GHR: variants seen among roughly 807,000 people sequenced by gnomAD.
The protein encoded by GHR is growth hormone receptor, also known as GH receptor.
Under a neutral mutation model 67.1 loss-of-function variants are expected in GHR, and 35 were observed. The observed-to-expected ratio is 0.52, with a 90% CI of 0.40 to 0.69. The LOEUF is 0.69. Among genes scored for constraint, GHR ranks in the 30% least tolerant of loss-of-function variants. The probability of loss-of-function intolerance (pLI) is 0.00; values close to 1 mark genes in which losing one functional copy is unlikely to be tolerated. For synonymous variants in GHR, 272 were observed against 269.1 expected (o/e 1.01, Z -0.10); for missense variants, 792 against 764.6 (o/e 1.04, Z -0.42).
At chr5:42,686,138 C>A (rs996832379) in intron 3 of GHR, among the ~76,000 whole-genome samples, 1 of 152,088 alleles carries the variant, frequency 6.6e-6, no homozygotes, top group African/African-American at 2.4e-5. Flanking sequence ...AGGAAGGGAT[C>A]CAGCTTCAGC....
chr5:42,596,649 C>A (rs1580015095), intron 2 of GHR, among the ~76,000 whole-genome samples: 1 of 152,124 alleles, frequency 6.6e-6, no homozygotes, highest in African/African-American at 2.4e-5. Flanking sequence ...CTAAACTTGC[C>A]AGTTCAGTGT....
intron 2 of GHR, among the ~76,000 whole-genome samples, chr5:42,622,241 A>G (rs1376173875): frequency 6.6e-6 from 1 of 152,170 alleles, no homozygotes; most frequent in African/African-American, 2.4e-5. Flanking sequence ...AGCCTCAGCA[A>G]CCTGGCTTCA....
At chr5:42,717,524 T>C (rs952393564) in intron 8 of GHR, among the ~76,000 whole-genome samples, 1 of 152,168 alleles carries the variant, frequency 6.6e-6, no homozygotes, top group African/African-American at 2.4e-5. Flanking sequence ...AGTAAAACCC[T>C]GGTTAATAAG....
At chr5:42,635,958 C>T (rs1210719547) in intron 3 of GHR, among the ~76,000 whole-genome samples, 2 of 151,732 alleles carry the variant, frequency 1.3e-5, no homozygotes, top group Non-Finnish European at 2.9e-5. Context: ...TGCCTGTAAT[C>T]CCAGCACTTT....
intron 3 of GHR, among the ~76,000 whole-genome samples, chr5:42,636,648 G>A (rs1754208972): frequency 6.6e-6 from 1 of 152,130 alleles, no homozygotes; most frequent in Non-Finnish European, 1.5e-5. Context: ...CTCCTAGTGG[G>A]GAACAGTTTT....
intron 6 of GHR, among the ~76,000 whole-genome samples, chr5:42,702,964 T>A (rs2111760477): frequency 6.6e-6 from 1 of 152,154 alleles, no homozygotes; most frequent in Middle Eastern, 3.4e-3. Context: ...GATAGTAACT[T>A]CTTATCAGAT....
chr5:42,523,275 A>G (rs919840216), intron 1 of GHR, among the ~76,000 whole-genome samples: 6 of 152,190 alleles, frequency 3.9e-5, no homozygotes, highest in African/African-American at 9.7e-5. Flanking sequence ...TAAGTCGTAT[A>G]CAGGTATACA....
chr5:42,428,849 T>C (rs1657364507), intron 1 of GHR, among the ~76,000 whole-genome samples: 1 of 152,178 alleles, frequency 6.6e-6, no homozygotes, highest in Admixed American at 6.5e-5. Context: ...AACAAGTCTC[T>C]AGGAAGTTCC....
rs1033025687 is a variant in GHR, at chr5:42,494,582, C to A, written c.-12+70627C>A. 2.0e-5 allele frequency among the ~76,000 whole-genome samples: 3 copies of A among 152,102 alleles called. No individual in the cohort carries two copies. The East Asian group carries it at 5.8e-4, about 29-fold the overall frequency. On this transcript the variant is annotated intron_variant, in intron 1 of 9. Coordinates refer to ENST00000230882, the MANE Select transcript of GHR (RefSeq NM_000163.5). ...TAATCCTAAGCATTCGCTCAGCACT[C>A]TTGCTTCTGGGAATTTGCTATGAGT... is the stretch of plus-strand genomic sequence containing the variant.
chr5:42,569,358 A>G lies in GHR; in HGVS notation c.70+3414A>G, dbSNP rs372189782. 9.2e-5 allele frequency among the ~76,000 whole-genome samples: 14 copies of G among 152,324 alleles called. No individual in the cohort carries two copies. The East Asian group carries it at 9.6e-4, about 10-fold the overall frequency. ...AATTTGGCCAGGGTGTGTGGTACATAGGTGCTATATTTGTAATTATTCCCT... is the reference window on the plus strand; with the variant it reads ...AATTTGGCCAGGGTGTGTGGTACATGGGTGCTATATTTGTAATTATTCCCT... On this transcript the variant is annotated intron_variant, in intron 2 of 9. Coordinates refer to ENST00000230882, the MANE Select transcript of GHR (RefSeq NM_000163.5).
At chr5:42,543,419 A>T (rs1396819536) in intron 1 of GHR, among the ~76,000 whole-genome samples, 1 of 152,108 alleles carries the variant, frequency 6.6e-6, no homozygotes, top group Non-Finnish European at 1.5e-5. Context: ...ATTTAATGAG[A>T]GTCTTTTGGT....
At chr5:42,466,237 C>T (rs1417319614) in intron 1 of GHR, among the ~76,000 whole-genome samples, 1 of 152,126 alleles carries the variant, frequency 6.6e-6, no homozygotes, top group Non-Finnish European at 1.5e-5. Context: ...AGAACAGACT[C>T]AACAGAGGTC....
At chr5:42,620,964 G>A (rs1270162843) in intron 2 of GHR, among the ~76,000 whole-genome samples, 1 of 152,066 alleles carries the variant, frequency 6.6e-6, no homozygotes, top group Non-Finnish European at 1.5e-5. Flanking sequence ...TCAGTCATAT[G>A]TTCCTGGCTG....
At chr5:42,533,905 A>T (rs879850582) in intron 1 of GHR, among the ~76,000 whole-genome samples, 1 of 143,236 alleles carries the variant, frequency 7.0e-6, no homozygotes. Flanking sequence ...CTTAGCCCCC[A>T]CATATCAGTG....
intron 1 of GHR, chr5:42,468,893 C>A (rs919229114): frequency 9.8e-6 from 7 of 714,216 alleles, no homozygotes; most frequent in Non-Finnish European, 2.2e-6. Flanking sequence ...CACATTCCTC[C>A]ACGGATTGCA....
chr5:42,714,806 A>G (rs1758641744), intron 8 of GHR, among the ~76,000 whole-genome samples: 1 of 152,176 alleles, frequency 6.6e-6, no homozygotes, highest in African/African-American at 2.4e-5. Flanking sequence ...AGTAATGCCA[A>G]CAACAAAAAA....
At chr5:42,587,561 G>C (rs1349210398) in intron 2 of GHR, among the ~76,000 whole-genome samples, 6 of 152,068 alleles carry the variant, frequency 3.9e-5, no homozygotes, top group Non-Finnish European at 5.9e-5. Flanking sequence ...TTCTTCCCTG[G>C]GAGTCCTGCA....
intron 3 of GHR, among the ~76,000 whole-genome samples, chr5:42,639,858 C>A (rs907339818): frequency 1.4e-4 from 22 of 152,238 alleles, no homozygotes; most frequent in Middle Eastern, 3.4e-3. Context: ...TTGGTTTAGC[C>A]AGGGCCTTAC....
At chr5:42,477,360 A>T (rs867859224) in intron 1 of GHR, among the ~76,000 whole-genome samples, 1 of 152,250 alleles carries the variant, frequency 6.6e-6, no homozygotes, top group Middle Eastern at 3.4e-3. Flanking sequence ...ATGTGTCTTT[A>T]TAGCAGCATG....
Sources: allele counts gnomAD v4.1 joint callset (sites outside exome capture counted in the v4.1 genomes callset), GRCh38; gene constraint gnomAD v4.1.1; transcripts MANE v1.5; gene names NCBI Gene and HGNC (gene_info 2026-07-23, HGNC 2026-07-21).